COBL: variants seen among roughly 807,000 people sequenced by gnomAD.
COBL encodes the protein protein cordon-bleu.
COBL carries 51 observed loss-of-function variants against 98.8 expected under a neutral mutation model. The ratio of observed to expected loss-of-function variants is 0.52; its 90% CI spans 0.41 to 0.65. The LOEUF (loss-of-function observed/expected upper bound fraction) is 0.65. Among genes scored for constraint, COBL ranks in the 30% least tolerant of loss-of-function variants. The pLI, the probability that COBL is intolerant of heterozygous loss-of-function variation, is 0.00. For synonymous variants in COBL, 634 were observed against 651.7 expected, an observed-to-expected ratio of 0.97 and a Z score of 0.41; for missense variants, 1,617 against 1,617.5, an observed-to-expected ratio of 1.00 and a Z score of 0.01.
In COBL at chr7:51,028,834, C is replaced by A. The variant is rs776767753; in HGVS notation, c.2262G>T (p.Ser754=). Residue 754 remains serine (S), a synonymous_variant, in exon 10 of 13, where the codon TCG becomes TCT. Transcript: ENST00000265136. ...GCTGAGATTCTGCTTCAGGCACAGA[C>A]GAAGACAGGGAAATGATCCTGATGC... ...ATGIRIISLS[S]SVPEAESQPI... is the part of the protein sequence containing the mutation. 2 of 1,614,196 alleles carry A rather than the reference C, an allele frequency of 1.2e-6. No individual in the cohort carries two copies. The highest frequency in any genetic ancestry group is 8.5e-7 in the Non-Finnish European group (1 of 1,180,022).
At chr7:51,111,209 G>A (rs917627159) in intron 6 of COBL, among the ~76,000 whole-genome samples, 1 of 152,078 alleles carries the variant, frequency 6.6e-6, no homozygotes, top group African/African-American at 2.4e-5. Context: ...ACCTAGTGGT[G>A]GGATTGCTGC....
chr7:51,260,479 G>T (rs1444109415), intron 1 of COBL, among the ~76,000 whole-genome samples: 1 of 152,194 alleles, frequency 6.6e-6, no homozygotes, highest in African/African-American at 2.4e-5. Flanking sequence ...CCTGATGCAA[G>T]TCCATCACTG....
chr7:51,305,093 G>A (rs1171392395), intron 1 of COBL, among the ~76,000 whole-genome samples: 1 of 152,202 alleles, frequency 6.6e-6, no homozygotes, highest in Non-Finnish European at 1.5e-5. Flanking sequence ...GACATAAGCT[G>A]AGCCTTGTGG....
At chr7:51,201,239 CAAAAAAAAA>C (rs1157303332) in intron 2 of COBL, among the ~76,000 whole-genome samples, 2 of 57,874 alleles carry the variant, frequency 3.5e-5, no homozygotes, top group African/African-American at 1.2e-4. Flanking sequence ...GACTCCGTCT[CAAAAAAAAA>C]AAAAAAAAGA....
At chr7:51,236,006 A>G (rs966419745) in intron 1 of COBL, among the ~76,000 whole-genome samples, 25 of 152,180 alleles carry the variant, frequency 1.6e-4, no homozygotes, top group Non-Finnish European at 2.9e-5. Context: ...TGGAAAAAAA[A>G]CATAATGTTT....
At chr7:51,233,041 G>A (rs915186375) in intron 1 of COBL, among the ~76,000 whole-genome samples, 8 of 152,002 alleles carry the variant, frequency 5.3e-5, no homozygotes, top group Non-Finnish European at 1.0e-4. Context: ...GTCCACAAGA[G>A]GTATAAGAGA....
At chr7:51,170,785 T>C (rs1241306556) in intron 5 of COBL, among the ~76,000 whole-genome samples, 2 of 151,922 alleles carry the variant, frequency 1.3e-5, no homozygotes, top group African/African-American at 4.8e-5. Context: ...TGGGGAGAGA[T>C]TGGTCAACAG....
At chr7:51,107,082 T>A (rs1324795344) in intron 6 of COBL, among the ~76,000 whole-genome samples, 1 of 135,710 alleles carries the variant, frequency 7.4e-6, no homozygotes, top group Non-Finnish European at 1.6e-5. Context: ...TTTGTGATCC[T>A]AGTTTGTTTG....
intron 7 of COBL, among the ~76,000 whole-genome samples, chr7:51,068,481 C>T (rs1792185098): frequency 6.6e-6 from 1 of 152,152 alleles, no homozygotes; most frequent in Non-Finnish European, 1.5e-5. Context: ...CTATATTTTG[C>T]TAACTTTCCC....
chr7:51,137,595 A>G (rs1400791553), intron 5 of COBL, among the ~76,000 whole-genome samples: 1 of 151,924 alleles, frequency 6.6e-6, no homozygotes, highest in East Asian at 1.9e-4. Context: ...TTTAAAAAAA[A>G]AAAAAGGAGT....
At chr7:51,046,635 C>A (rs966493279) in intron 7 of COBL, among the ~76,000 whole-genome samples, 8 of 151,436 alleles carry the variant, frequency 5.3e-5, no homozygotes, top group African/African-American at 1.2e-4. Context: ...CTTTTTTTTT[C>A]TTCATCAATG....
At chr7:51,071,876 T>C (rs543209496) in intron 7 of COBL, 1 of 151,606 alleles carries the variant, frequency 6.6e-6, no homozygotes, top group South Asian at 2.1e-4. Context: ...TGAGGTCAAA[T>C]GACTGCTACT....
At chr7:51,033,425 G>T (rs1425570513) in intron 8 of COBL, 1 of 152,186 alleles carries the variant, frequency 6.6e-6, no homozygotes, top group Non-Finnish European at 1.5e-5. Flanking sequence ...ATTTCAAAGG[G>T]CATTAAAATC....
In COBL at chr7:51,172,560, T is replaced by C. The variant is rs1449729140; in HGVS notation, c.783+11542A>G. On this transcript the variant is annotated intron_variant, in intron 5 of 12. Coordinates refer to ENST00000265136, the MANE Select transcript of COBL (RefSeq NM_015198.5). ...AACACAAGCACCAGGCCACATCATC[T>C]CCAGGTGAAAGTTCAGACAGAAAAC... is the stretch of plus-strand genomic sequence containing the variant. 2.3e-5 allele frequency: 29 copies of C among 1,272,564 alleles called. No homozygotes were observed. In the Admixed American group the frequency reaches 7.1e-4, roughly 31 times the overall value. 78.8% of individuals were successfully genotyped at this position (1,272,564 alleles called of 1,614,324 possible). A position where few individuals can be genotyped will look rare whatever the true frequency, so the allele number is the denominator to read the frequency against.
At chr7:51,243,107 C>T (rs1046036706) in intron 1 of COBL, among the ~76,000 whole-genome samples, 1 of 152,176 alleles carries the variant, frequency 6.6e-6, no homozygotes, top group African/African-American at 2.4e-5. Context: ...TCCCGTTGGT[C>T]CCACTAAGGA....
At chr7:51,272,945 A>AC (rs1798904510) in intron 1 of COBL, among the ~76,000 whole-genome samples, 1 of 145,898 alleles carries the variant, frequency 6.9e-6, no homozygotes, top group African/African-American at 2.8e-5. Flanking sequence ...ATGGAACACA[A>AC]TACCAACAAC....
intron 8 of COBL, 129 bp downstream of exon 8, chr7:51,043,254 A>C: frequency 1.3e-6 from 1 of 748,538 alleles, no homozygotes; most frequent in Non-Finnish European, 2.2e-6. Flanking sequence ...GCTGCTGTGA[A>C]TCAGGGTCGG....
chr7:51,079,775 G>C (rs1023308831), intron 7 of COBL, among the ~76,000 whole-genome samples: 1 of 152,232 alleles, frequency 6.6e-6, no homozygotes, highest in Non-Finnish European at 1.5e-5. Flanking sequence ...GCCGGCTGCC[G>C]AGAGGTGGCC....
At chr7:51,031,028 C>A in intron 8 of COBL, 119 bp from the exon 9 acceptor site, 1 of 714,694 alleles carries the variant, frequency 1.4e-6, no homozygotes, top group Non-Finnish European at 2.5e-6. Context: ...GTCACATACT[C>A]ACTGTACTGC....
Sources: gnomAD v4.1 joint callset for allele counts (sites outside exome capture counted in the v4.1 genomes callset) on GRCh38, gnomAD v4.1.1 for gene constraint, MANE v1.5 for transcripts, NCBI Gene and HGNC (gene_info 2026-07-23, HGNC 2026-07-21) for gene names.